SLMAP: variants seen among roughly 807,000 people sequenced by gnomAD.
SLMAP encodes sarcolemma associated protein.
SLMAP carries 44 observed loss-of-function variants against 128.8 expected under a neutral mutation model. The ratio of observed to expected loss-of-function variants is 0.34; its 90% CI spans 0.27 to 0.44. The LOEUF (loss-of-function observed/expected upper bound fraction) is 0.44, where lower values mean the gene tolerates loss of function less well. Ranked by LOEUF, SLMAP falls within the 20% of genes least tolerant of loss-of-function variation. The pLI is 1.00. For missense variants in SLMAP, 787 were observed against 985.3 expected, an observed-to-expected ratio of 0.80 and a Z score of 2.69; for synonymous variants, 327 against 348.8, an observed-to-expected ratio of 0.94 and a Z score of 0.70.
At chr3:57,805,662 G>T (rs1191680699) in intron 2 of SLMAP, among the ~76,000 whole-genome samples, 1 of 152,080 alleles carries the variant, frequency 6.6e-6, no homozygotes, top group Non-Finnish European at 1.5e-5. Flanking sequence ...ATATCAGTTT[G>T]ATCTCAGTAT....
At chr3:57,904,595 GA>G (rs1308927389) in intron 17 of SLMAP, among the ~76,000 whole-genome samples, 3 of 152,146 alleles carry the variant, frequency 2.0e-5, no homozygotes, top group African/African-American at 7.2e-5. Flanking sequence ...TTCACATTTT[GA>G]CAGTTGTCTC....
chr3:57,847,066 A>G, intron 4 of SLMAP, 131 bp from the exon 5 acceptor site: 1 of 622,110 alleles, frequency 1.6e-6, no homozygotes, highest in South Asian at 2.3e-5. Context: ...GGATTGAAAA[A>G]TAGTTCACCT....
At chr3:57,894,996 T>C (rs1356342301) in intron 15 of SLMAP, among the ~76,000 whole-genome samples, 1 of 151,978 alleles carries the variant, frequency 6.6e-6, no homozygotes, top group African/African-American at 2.4e-5. Context: ...AATGCTACCC[T>C]AAAGAATGCC....
chr3:57,764,347 C>CA (rs2153433308), intron 2 of SLMAP, among the ~76,000 whole-genome samples: 1 of 151,968 alleles, frequency 6.6e-6, no homozygotes, highest in African/African-American at 2.4e-5. Context: ...ACGAAAAATA[C>CA]AAAAATTAAC....
At chr3:57,865,388 A>G in intron 13 of SLMAP, 96 bp downstream of exon 13, 2 of 482,674 alleles carry the variant, frequency 4.1e-6, no homozygotes. Context: ...GTTTGGAATG[A>G]AAAGCATGCT....
chr3:57,799,886 A>G (rs1229436268), intron 2 of SLMAP, among the ~76,000 whole-genome samples: 1 of 152,200 alleles, frequency 6.6e-6, no homozygotes, highest in Non-Finnish European at 1.5e-5. Context: ...TTGAGGCATA[A>G]TAGTAAATTT....
chr3:57,853,111 T>G (rs2094566977), intron 6 of SLMAP, among the ~76,000 whole-genome samples: 1 of 152,238 alleles, frequency 6.6e-6, no homozygotes, highest in Non-Finnish European at 1.5e-5. Flanking sequence ...TGGAAGTAGA[T>G]TCTAAAGATA....
chr3:57,757,464 G>C lies in SLMAP; in HGVS notation c.-188G>C. The C allele has an allele frequency of 1.6e-6, 1 of 616,190 alleles. No homozygotes were observed. Among genetic ancestry groups the C allele is most frequent in the East Asian group, 2.7e-5 (1 of 36,398 alleles). The allele number at this position is 616,190 out of a possible 1,614,324, so 38.2% of individuals were successfully genotyped here. On this transcript the variant is annotated 5_prime_UTR_variant, in exon 2 of 25. Coordinates refer to ENST00000671191, the MANE Select transcript of SLMAP (RefSeq NM_001377540.1). ...TGCAGCGTTTTAAAGGAGGTGATGG[G>C]GCTTGCGCTGGCTTGTCTTCCCACC...
intron 17 of SLMAP, among the ~76,000 whole-genome samples, chr3:57,906,659 T>A (rs2096572903): frequency 1.7e-5 from 1 of 57,518 alleles, no homozygotes; most frequent in Non-Finnish European, 3.2e-5. Context: ...ATATAATCTA[T>A]GAATATGAAA....
rs1434829758 is a variant in SLMAP at position 57,814,873 on chromosome 3, A to T, written c.199-16510A>T. On this transcript the variant is annotated intron_variant, in intron 2 of 24. Transcript: ENST00000671191. The stretch of plus-strand genomic sequence containing the variant: ...GTGGTGAATGTGTGCCTGTAGTCCC[A>T]GCTACTCGGGAGGCTGTGGTGGGAG... Among the ~76,000 whole-genome samples the T allele has an allele frequency of 2.6e-5, 4 of 152,110 alleles. No individual in the cohort carries two copies. In the East Asian group the frequency reaches 7.7e-4, roughly 29 times the overall value.
chr3:57,775,847 C>T, intron 2 of SLMAP, among the ~76,000 whole-genome samples: 1 of 152,046 alleles, frequency 6.6e-6, no homozygotes, highest in East Asian at 1.9e-4. Flanking sequence ...TACAGGCGCC[C>T]ACCACCACAC....
chr3:57,842,121 A>G (rs746108275), intron 4 of SLMAP, among the ~76,000 whole-genome samples: 91 of 152,134 alleles, frequency 6.0e-4, no homozygotes, highest in Non-Finnish European at 8.4e-4. Context: ...ACCTGAGGGT[A>G]GGAGGTTAAG....
chr3:57,892,670 C>G (rs1461037277), intron 15 of SLMAP, among the ~76,000 whole-genome samples: 1 of 151,944 alleles, frequency 6.6e-6, no homozygotes, highest in South Asian at 2.1e-4. Flanking sequence ...TCTGGCCAAC[C>G]TTGGTGACTC....
chr3:57,818,837 T>C (rs1271067591), intron 2 of SLMAP, among the ~76,000 whole-genome samples: 1 of 152,210 alleles, frequency 6.6e-6, no homozygotes, highest in Non-Finnish European at 1.5e-5. Flanking sequence ...AAGTCATAAA[T>C]AGAGATAGAA....
chr3:57,876,228 T>A (rs771080087), intron 14 of SLMAP, among the ~76,000 whole-genome samples: 1 of 152,228 alleles, frequency 6.6e-6, no homozygotes, highest in Non-Finnish European at 1.5e-5. Context: ...TTTTTCAGTT[T>A]ATGTGTATGA....
intron 2 of SLMAP, among the ~76,000 whole-genome samples, chr3:57,813,795 T>C (rs2091423694): frequency 6.6e-6 from 1 of 152,204 alleles, no homozygotes; most frequent in African/African-American, 2.4e-5. Context: ...TGAGACATGA[T>C]GTATATGAAA....
At position 57,896,902 on chromosome 3, in the gene SLMAP, G is replaced by A; in HGVS notation, c.1471G>A (p.Glu491Lys). The A allele has an allele frequency of 6.2e-7, 1 of 1,612,134 alleles. No homozygotes were observed. The highest frequency in any genetic ancestry group is 1.7e-5 in the Admixed American group (1 of 59,644). ...DAQMDEQDLN[E>K]PLAKVSLLKD... ...CCAAATGGATGAGCAAGACCTAAATGAGCCTCTTGCCAAAGTGTCCCTTTT... is the reference window on the plus strand; with the variant it reads ...CCAAATGGATGAGCAAGACCTAAATAAGCCTCTTGCCAAAGTGTCCCTTTT... Residue 491 changes from glutamate to lysine, a missense_variant, in exon 17 of 25, where the codon GAG becomes AAG. Around this residue, in one of 2 missense-constraint regions of SLMAP, gnomAD observed 715 missense variants for 843.6 expected, o/e 0.85. Coordinates refer to ENST00000671191, the MANE Select transcript of SLMAP (RefSeq NM_001377540.1).
chr3:57,766,153 C>T (rs1207098863), intron 2 of SLMAP, among the ~76,000 whole-genome samples: 3 of 149,396 alleles, frequency 2.0e-5, no homozygotes, highest in Non-Finnish European at 4.4e-5. Flanking sequence ...CGCCTACCAC[C>T]ACACCCGGCT....
intron 13 of SLMAP, among the ~76,000 whole-genome samples, chr3:57,871,298 T>C (rs2095474690): frequency 6.6e-6 from 1 of 152,182 alleles, no homozygotes; most frequent in Non-Finnish European, 1.5e-5. Flanking sequence ...AAAATTAATT[T>C]AATTTAATAA....
Sources: gnomAD v4.1 joint callset for allele counts (sites outside exome capture counted in the v4.1 genomes callset) on GRCh38, gnomAD v4.1.1 for gene constraint, gnomAD v4.1.1 regional missense constraint, MANE v1.5 for transcripts, NCBI Gene and HGNC (gene_info 2026-07-23, HGNC 2026-07-21) for gene names.